The following HS6ST3 variants were observed in gnomAD, a reference collection of about 807,000 sequenced individuals.
The protein encoded by HS6ST3 is heparan-sulfate 6-O-sulfotransferase 3.
A neutral mutation model predicts 36.7 loss-of-function variants in HS6ST3; 12 were observed. The ratio of observed to expected loss-of-function variants is 0.33; its 90% CI spans 0.21 to 0.53. The LOEUF is 0.53. HS6ST3 is among the 20% of genes least tolerant of loss of function. The pLI is 0.95. For missense variants in HS6ST3, 584 were observed against 640.9 expected (o/e 0.91, Z 0.96); for synonymous variants, 240 against 257.5 (o/e 0.93, Z 0.65).
chr13:96,686,147 C>T (rs1407136137), intron 1 of HS6ST3, among the ~76,000 whole-genome samples: 1 of 152,016 alleles, frequency 6.6e-6, no homozygotes, highest in Non-Finnish European at 1.5e-5. Context: ...TTACCATACA[C>T]GTCTCCTCCA....
intron 1 of HS6ST3, among the ~76,000 whole-genome samples, chr13:96,134,855 A>G (rs190480362): frequency 5.9e-5 from 9 of 152,300 alleles, no homozygotes; most frequent in Admixed American, 5.9e-4. Flanking sequence ...TTGATCCAAG[A>G]ATAATAGTTT....
intron 1 of HS6ST3, among the ~76,000 whole-genome samples, chr13:96,704,123 C>A (rs932924705): frequency 2.0e-5 from 3 of 152,176 alleles, no homozygotes; most frequent in African/African-American, 7.2e-5. Flanking sequence ...TAAGCACTTC[C>A]TAATTAACTC....
At chr13:96,212,517 T>C (rs1394884440) in intron 1 of HS6ST3, among the ~76,000 whole-genome samples, 1 of 152,188 alleles carries the variant, frequency 6.6e-6, no homozygotes, top group African/African-American at 2.4e-5. Flanking sequence ...ATTACGTATT[T>C]TCAGAGAAAA....
chr13:96,314,677 T>A (rs749459548), intron 1 of HS6ST3, among the ~76,000 whole-genome samples: 44 of 152,278 alleles, frequency 2.9e-4, no homozygotes, highest in Non-Finnish European at 4.6e-4. Flanking sequence ...AATGAAAGAA[T>A]CTCAGAGGAG....
chr13:96,142,920 G>C (rs1472833976), intron 1 of HS6ST3, among the ~76,000 whole-genome samples: 2 of 151,966 alleles, frequency 1.3e-5, no homozygotes, highest in African/African-American at 4.8e-5. Flanking sequence ...AGATATTTCA[G>C]AGTTAAAGTG....
chr13:96,641,179 T>G lies in HS6ST3; in HGVS notation c.708-191311T>G, dbSNP rs114206031. Among the ~76,000 whole-genome samples the G allele has an allele frequency of 5.4e-3, 823 of 151,944 alleles. 5 individuals carry two copies. The highest frequency in any genetic ancestry group is 0.019 in the African/African-American group (777 of 41,510). On this transcript the variant is annotated intron_variant, in intron 1 of 1. Transcript: ENST00000376705. ...ATGGATTTCCTTTTGTTTGTACCAT[T>G]TATGATTTTATTTCATCAGCATTTT...
At chr13:96,447,344 C>T (rs970534320) in intron 1 of HS6ST3, among the ~76,000 whole-genome samples, 1 of 152,278 alleles carries the variant, frequency 6.6e-6, no homozygotes, top group South Asian at 2.1e-4. Context: ...TTGTGTACCC[C>T]TCTCTCCAGA....
At chr13:96,432,680 C>T (rs1210832690) in intron 1 of HS6ST3, among the ~76,000 whole-genome samples, 1 of 152,104 alleles carries the variant, frequency 6.6e-6, no homozygotes, top group Non-Finnish European at 1.5e-5. Context: ...ACTAAATGTT[C>T]CTTAGCAAAA....
At chr13:96,729,758 G>A (rs933693380) in intron 1 of HS6ST3, among the ~76,000 whole-genome samples, 6 of 152,030 alleles carry the variant, frequency 3.9e-5, no homozygotes, top group South Asian at 4.1e-4. Flanking sequence ...GAGCAACCAC[G>A]CCCGGCCCCA....
chr13:96,117,794 A>G (rs2053900634), intron 1 of HS6ST3, among the ~76,000 whole-genome samples: 1 of 152,158 alleles, frequency 6.6e-6, no homozygotes, highest in Non-Finnish European at 1.5e-5. Flanking sequence ...TAACAGGGAC[A>G]TTGTTATGGG....
chr13:96,551,905 A>G (rs1384085619), intron 1 of HS6ST3, among the ~76,000 whole-genome samples: 1 of 152,242 alleles, frequency 6.6e-6, no homozygotes, highest in African/African-American at 2.4e-5. Context: ...CTTCATAAAT[A>G]TAAAAATACT....
intron 1 of HS6ST3, among the ~76,000 whole-genome samples, chr13:96,507,673 CATT>C (rs2056032021): frequency 4.0e-5 from 6 of 151,844 alleles, no homozygotes; most frequent in Admixed American, 3.9e-4. Context: ...ATAATAATAA[CATT>C]ATTATCTCTC....
Position 96,754,917 on chromosome 13 carries a change from G to C in HS6ST3, c.708-77573G>C, listed in dbSNP as rs150880330. 7.9e-5 allele frequency among the ~76,000 whole-genome samples: 12 copies of C among 151,792 alleles called. No homozygotes were observed. In the East Asian group the frequency reaches 2.3e-3, roughly 29 times the overall value. ...TATATATCATATATAATAATAACAG[G>C]CAATCTCCATGTCTAAATCTGTAAT... On this transcript the variant is annotated intron_variant, in intron 1 of 1. Coordinates refer to ENST00000376705, the MANE Select transcript of HS6ST3 (RefSeq NM_153456.4).
intron 1 of HS6ST3, among the ~76,000 whole-genome samples, chr13:96,310,957 C>A (rs1041704843): frequency 4.6e-5 from 7 of 152,086 alleles, no homozygotes; most frequent in Non-Finnish European, 8.8e-5. Context: ...CTGACCACCC[C>A]CATGAAACAA....
chr13:96,206,426 A>G (rs1250437359), intron 1 of HS6ST3, among the ~76,000 whole-genome samples: 1 of 152,240 alleles, frequency 6.6e-6, no homozygotes, highest in Non-Finnish European at 1.5e-5. Flanking sequence ...TTAAACTACC[A>G]TTGACATTCT....
intron 1 of HS6ST3, among the ~76,000 whole-genome samples, chr13:96,118,454 A>G (rs2053904212): frequency 6.6e-6 from 1 of 151,902 alleles, no homozygotes; most frequent in Non-Finnish European, 1.5e-5. Context: ...TTAAGCTACC[A>G]AGTTTGTAGT....
intron 1 of HS6ST3, among the ~76,000 whole-genome samples, chr13:96,291,975 C>T (rs1366731097): frequency 6.6e-6 from 1 of 152,002 alleles, no homozygotes; most frequent in Non-Finnish European, 1.5e-5. Flanking sequence ...TTACAAGATG[C>T]TAAGAGTTAT....
Position 96,834,356 on chromosome 13 carries a change from A to G in HS6ST3, c.*1158A>G, listed in dbSNP as rs1172667777. 1.3e-5 allele frequency: 2 copies of G among 152,218 alleles called. No individual in the cohort carries two copies. The highest frequency in any genetic ancestry group is 2.9e-5 in the Non-Finnish European group (2 of 68,034). 9.4% of individuals were successfully genotyped at this position (152,218 alleles called of 1,614,324 possible). ...GTTTAGAAAGACTCTGCCTCCCAGC[A>G]TCTTGAATATCTCCAGCCTGTTCAC... On this transcript the variant is annotated 3_prime_UTR_variant, in exon 2 of 2. Transcript: ENST00000376705.
chr13:96,504,941 G>T (rs892164395), intron 1 of HS6ST3, among the ~76,000 whole-genome samples: 2 of 152,088 alleles, frequency 1.3e-5, no homozygotes, highest in African/African-American at 2.4e-5. Context: ...CAACAGTCAG[G>T]CTTCTCTTCC....
Sources: gnomAD v4.1 joint callset for allele counts (sites outside exome capture counted in the v4.1 genomes callset) on GRCh38, gnomAD v4.1.1 for gene constraint, MANE v1.5 for transcripts, NCBI Gene and HGNC (gene_info 2026-07-23, HGNC 2026-07-21) for gene names.